Variants in PPP2R2A observed in about 807,000 individuals in gnomAD.
The protein encoded by PPP2R2A is serine/threonine-protein phosphatase 2A 55 kDa regulatory subunit B alpha isoform.
PPP2R2A carries 9 observed loss-of-function variants against 53.2 expected under a neutral mutation model. That is an observed-to-expected ratio of 0.17 (90% CI 0.10 to 0.30). The LOEUF is 0.30. PPP2R2A is among the 10% of genes least tolerant of loss of function. The probability of loss-of-function intolerance (pLI) is 1.00; values close to 1 mark genes in which losing one functional copy is unlikely to be tolerated. For synonymous variants in PPP2R2A, 169 were observed against 174.2 expected, an observed-to-expected ratio of 0.97 and a Z score of 0.23; for missense variants, 235 against 534.6, an observed-to-expected ratio of 0.44 and a Z score of 5.53.
chr8:26,339,746 ATAATAT>A (rs918378159), intron 3 of PPP2R2A, among the ~76,000 whole-genome samples: 5 of 152,206 alleles, frequency 3.3e-5, no homozygotes, highest in African/African-American at 1.2e-4. Flanking sequence ...GCCCCTATTT[ATAATAT>A]ATTTAAAAAG....
At chr8:26,323,525 A>G (rs966096128) in intron 2 of PPP2R2A, among the ~76,000 whole-genome samples, 8 of 152,202 alleles carry the variant, frequency 5.3e-5, no homozygotes, top group Non-Finnish European at 1.0e-4. Context: ...GGCCATACAT[A>G]GAGGTTACCA....
intron 3 of PPP2R2A, among the ~76,000 whole-genome samples, chr8:26,353,726 AT>A (rs1392107062): frequency 8.5e-5 from 13 of 152,240 alleles, no homozygotes; most frequent in Admixed American, 7.2e-4. Context: ...GATAGCTTAA[AT>A]TACATTTTTT....
Position 26,291,755 on chromosome 8 carries a change from A to G in PPP2R2A, c.-65A>G. 2 of 1,419,428 alleles carry G rather than the reference A, an allele frequency of 1.4e-6. No homozygotes were observed. The highest frequency in any genetic ancestry group is 1.9e-6 in the Non-Finnish European group (2 of 1,060,466). 87.9% of individuals were successfully genotyped at this position (1,419,428 alleles called of 1,614,324 possible). A position where few individuals can be genotyped will look rare whatever the true frequency, so the allele number is the denominator to read the frequency against. ...CTCTCTACCCCCCCATCCCCAGGTG[A>G]GGGGGGTGAGTTCAGGAAGCGGAGA... On this transcript the variant is annotated 5_prime_UTR_variant, in exon 1 of 10. Coordinates refer to ENST00000380737, the MANE Select transcript of PPP2R2A (RefSeq NM_002717.4).
chr8:26,334,347 A>C (rs1257450689), intron 2 of PPP2R2A, among the ~76,000 whole-genome samples: 1 of 152,248 alleles, frequency 6.6e-6, no homozygotes, highest in African/African-American at 2.4e-5. Context: ...TCGGTATGAT[A>C]GCTCTGACAG....
intron 4 of PPP2R2A, among the ~76,000 whole-genome samples, chr8:26,358,305 G>C (rs1804896971): frequency 6.6e-6 from 1 of 152,052 alleles, no homozygotes; most frequent in Admixed American, 6.5e-5. Flanking sequence ...GGGCGGGGGT[G>C]TTGTCATCCT....
intron 9 of PPP2R2A, among the ~76,000 whole-genome samples, chr8:26,367,331 TTTGA>T (rs1805427555): frequency 1.3e-5 from 2 of 152,094 alleles, no homozygotes; most frequent in African/African-American, 4.8e-5. Context: ...GATTAACAAA[TTTGA>T]AGAGTAAAGA....
intron 4 of PPP2R2A, among the ~76,000 whole-genome samples, chr8:26,357,283 A>AAC (rs1804834951): frequency 5.7e-5 from 6 of 105,144 alleles, no homozygotes; most frequent in South Asian, 9.2e-4. Flanking sequence ...GCATAGTAAC[A>AAC]CCCCCCCCCC....
intron 3 of PPP2R2A, among the ~76,000 whole-genome samples, chr8:26,345,492 C>T (rs375002539): frequency 6.6e-6 from 1 of 152,192 alleles, no homozygotes; most frequent in Non-Finnish European, 1.5e-5. Flanking sequence ...TTCTGAATAT[C>T]TGATTATAAA....
chr8:26,362,881 A>C lies in PPP2R2A; in HGVS notation c.802+33A>C. On this transcript the variant is annotated intron_variant, in intron 7 of 9. Transcript: ENST00000380737. This position sits in a 1 kb window ranked among gnomAD's most constrained non-coding sequence, Gnocchi z 4.4. ...TATTGTATCTTTCCTTAAAATGATT[A>C]CATATTCTGTTTGTCTGAAATAAGC... 1 of 1,586,978 alleles carries C rather than the reference A, an allele frequency of 6.3e-7. No homozygotes were observed. Among genetic ancestry groups the C allele is most frequent in the Non-Finnish European group, 8.6e-7 (1 of 1,160,100 alleles).
chr8:26,370,330 C>A lies in PPP2R2A; in HGVS notation c.1261C>A (p.His421Asn). The A allele has an allele frequency of 6.2e-7, 1 of 1,614,164 alleles. No individual in the cohort carries two copies. Among genetic ancestry groups the A allele is most frequent in the Non-Finnish European group, 8.5e-7 (1 of 1,180,002 alleles). The change falls in exon 10 of 10, where the codon CAC becomes AAC. Residue 421 changes from histidine to asparagine, a missense_variant. His to Asn is a moderately conservative substitution (Grantham distance 68, BLOSUM62 1). Transcript: ENST00000380737. This position sits in a 1 kb window ranked among gnomAD's most constrained non-coding sequence, Gnocchi z 6.1. Reference sequence around the variant, plus strand: ...CCTAGACTTCAATAAGAAAATCCTTCACACAGCCTGGCACCCCAAGGAAAA... The same window carrying A: ...CCTAGACTTCAATAAGAAAATCCTTAACACAGCCTGGCACCCCAAGGAAAA... ...DSLDFNKKILHTAWHPKENII... is the reference protein window; with the variant it reads ...DSLDFNKKILNTAWHPKENII...
chr8:26,343,917 T>C (rs1211642571), intron 3 of PPP2R2A, among the ~76,000 whole-genome samples: 1 of 152,168 alleles, frequency 6.6e-6, no homozygotes, highest in African/African-American at 2.4e-5. Context: ...AATGTGTACA[T>C]TTTCCCCCCA....
intron 3 of PPP2R2A, among the ~76,000 whole-genome samples, chr8:26,342,347 G>C (rs978914868): frequency 3.9e-4 from 60 of 152,162 alleles, no homozygotes; most frequent in Non-Finnish European, 1.2e-4. Context: ...AAATGATAGG[G>C]TATATTCTTT....
intron 1 of PPP2R2A, 108 bp downstream of exon 1, chr8:26,291,934 C>T (rs2117172263): frequency 7.7e-7 from 1 of 1,296,484 alleles, no homozygotes; most frequent in Non-Finnish European, 1.0e-6. Context: ...CAGGGCGCCC[C>T]TCGGGTTTGA....
intron 9 of PPP2R2A, among the ~76,000 whole-genome samples, chr8:26,368,872 C>T (rs1430146814): frequency 2.0e-5 from 3 of 152,012 alleles, no homozygotes; most frequent in Non-Finnish European, 2.9e-5. Context: ...TTTGGGAGGC[C>T]AAGGCCGGCG....
chr8:26,297,730 A>G (rs1281632716), intron 2 of PPP2R2A, among the ~76,000 whole-genome samples: 1 of 152,136 alleles, frequency 6.6e-6, no homozygotes, highest in African/African-American at 2.4e-5. Flanking sequence ...ATACACATAA[A>G]ACAGAACAGT....
intron 2 of PPP2R2A, among the ~76,000 whole-genome samples, chr8:26,333,281 G>T (rs996005097): frequency 6.6e-6 from 1 of 152,246 alleles, no homozygotes; most frequent in South Asian, 2.1e-4. Context: ...ACAAAAACAG[G>T]TTGTGGGCCG....
intron 2 of PPP2R2A, among the ~76,000 whole-genome samples, chr8:26,313,658 A>G (rs59183476): frequency 2.2e-3 from 338 of 152,332 alleles, no homozygotes; most frequent in African/African-American, 7.9e-3. Context: ...GGCTGTAAAT[A>G]TGTAAGCACA....
At chr8:26,294,206 G>T (rs1236274626) in intron 2 of PPP2R2A, among the ~76,000 whole-genome samples, 3 of 152,178 alleles carry the variant, frequency 2.0e-5, no homozygotes, top group East Asian at 1.9e-4. Context: ...TCCACTTTGG[G>T]AGTGTGATGC....
intron 2 of PPP2R2A, among the ~76,000 whole-genome samples, chr8:26,329,089 T>A (rs1803237308): frequency 6.6e-6 from 1 of 152,176 alleles, no homozygotes; most frequent in Non-Finnish European, 1.5e-5. Context: ...CATATTTAGA[T>A]TCCTATAAAA....
Sources: allele counts gnomAD v4.1 joint callset (sites outside exome capture counted in the v4.1 genomes callset), GRCh38; gene constraint gnomAD v4.1.1; non-coding constraint Gnocchi (gnomAD v3.1); transcripts MANE v1.5; gene names NCBI Gene and HGNC (gene_info 2026-07-23, HGNC 2026-07-21).